The following ARHGAP15 variants were observed in gnomAD, a reference collection of about 807,000 sequenced individuals.
The protein encoded by ARHGAP15 is Rho GTPase activating protein 15, also known as rho GTPase-activating protein 15.
ARHGAP15 carries 51 observed loss-of-function variants against 63.7 expected under a neutral mutation model. That is an observed-to-expected ratio of 0.80 (90% CI 0.64 to 1.01). The LOEUF (loss-of-function observed/expected upper bound fraction) is 1.01. Ranked by LOEUF, ARHGAP15 falls within the 50% of genes least tolerant of loss-of-function variation. ARHGAP15 has a pLI of 0.00. For missense variants in ARHGAP15, 560 were observed against 564.6 expected, an observed-to-expected ratio of 0.99 and a Z score of 0.08; for synonymous variants, 191 against 193.8, an observed-to-expected ratio of 0.99 and a Z score of 0.12.
At chr2:143,650,942 A>G (rs1163634356) in intron 12 of ARHGAP15, among the ~76,000 whole-genome samples, 1 of 151,836 alleles carries the variant, frequency 6.6e-6, no homozygotes, top group Non-Finnish European at 1.5e-5. Context: ...TGCTGTGCTA[A>G]AGTTACATTC....
At chr2:143,415,211 G>C (rs1457654038) in intron 6 of ARHGAP15, among the ~76,000 whole-genome samples, 1 of 151,658 alleles carries the variant, frequency 6.6e-6, no homozygotes, top group Non-Finnish European at 1.5e-5. Flanking sequence ...TCATTGTTTA[G>C]GAAAAAAAAT....
At chr2:143,292,179 A>G (rs1284925393) in intron 6 of ARHGAP15, among the ~76,000 whole-genome samples, 1 of 152,098 alleles carries the variant, frequency 6.6e-6, no homozygotes, top group Non-Finnish European at 1.5e-5. Context: ...TGACTATTAA[A>G]TTTCATCAGC....
chr2:143,254,873 AAAAAAAG>A, intron 6 of ARHGAP15, among the ~76,000 whole-genome samples: 2 of 152,168 alleles, frequency 1.3e-5, no homozygotes, highest in African/African-American at 4.8e-5. Flanking sequence ...CTATTAAAAA[AAAAAAAG>A]TTATTTGTAT....
chr2:143,193,489 A>C (rs1691756081), intron 2 of ARHGAP15: 1 of 152,680 alleles, frequency 6.5e-6, no homozygotes, highest in Admixed American at 6.5e-5. Context: ...CTTTTTCGGC[A>C]GCAGAAGGTG....
chr2:143,175,212 G>A (rs191823839), intron 2 of ARHGAP15, among the ~76,000 whole-genome samples: 123 of 152,228 alleles, frequency 8.1e-4, no homozygotes, highest in Non-Finnish European at 1.4e-3. Flanking sequence ...AGAGTCTTGG[G>A]AAGACTCTAG....
intron 2 of ARHGAP15, among the ~76,000 whole-genome samples, chr2:143,159,892 T>C (rs1224491052): frequency 6.6e-6 from 1 of 151,960 alleles, no homozygotes; most frequent in African/African-American, 2.4e-5. Context: ...AGTTTCCTTC[T>C]GCATAAAGAT....
chr2:143,197,091 T>C (rs190286474), intron 2 of ARHGAP15, among the ~76,000 whole-genome samples: 323 of 152,116 alleles, frequency 2.1e-3, no homozygotes, highest in African/African-American at 7.4e-3. Context: ...AGGGTTTTTA[T>C]ATCAGATACA....
intron 13 of ARHGAP15, among the ~76,000 whole-genome samples, chr2:143,708,605 T>A (rs1422151040): frequency 6.6e-6 from 1 of 152,012 alleles, no homozygotes; most frequent in Non-Finnish European, 1.5e-5. Flanking sequence ...GCTGGCATAT[T>A]GTCCCCTGGT....
At chr2:143,159,187 A>C (rs992149968) in intron 2 of ARHGAP15, among the ~76,000 whole-genome samples, 22 of 151,922 alleles carry the variant, frequency 1.4e-4, no homozygotes, top group African/African-American at 5.3e-4. Context: ...CCATTTTTAA[A>C]CATTAACATA....
At chr2:143,731,817 A>T (rs975817156) in intron 13 of ARHGAP15, among the ~76,000 whole-genome samples, 1 of 152,208 alleles carries the variant, frequency 6.6e-6, no homozygotes, top group African/African-American at 2.4e-5. Flanking sequence ...TTGCTGAAAA[A>T]TTTTAAATAC....
chr2:143,290,239 A>T (rs1682323063), intron 6 of ARHGAP15, among the ~76,000 whole-genome samples: 1 of 152,118 alleles, frequency 6.6e-6, no homozygotes, highest in African/African-American at 2.4e-5. Context: ...GTTCAGTAAA[A>T]TAGAAGATCT....
At chr2:143,517,627 T>G (rs527419370) in intron 9 of ARHGAP15, among the ~76,000 whole-genome samples, 4 of 152,184 alleles carry the variant, frequency 2.6e-5, no homozygotes, top group Non-Finnish European at 5.9e-5. Context: ...TTTTGCCTTC[T>G]AAGCAAGGGA....
In ARHGAP15 at chr2:143,703,414, TCCAG is replaced by T; in HGVS notation, c.1139-4_1139-1del. ...CCTAACCTTCCTTTTTATTTTTTTT[TCCAG>T]AAAAGCAAGACAACAACACAAGAAT... On this transcript the variant is annotated splice_acceptor_variant and splice_polypyrimidine_tract_variant and intron_variant, in intron 12 of 13. Transcript: ENST00000295095. LOFTEE classifies it high-confidence loss of function. The T allele has an allele frequency of 6.3e-7, 1 of 1,598,798 alleles. No homozygotes were observed. The highest frequency in any genetic ancestry group is 8.5e-7 in the Non-Finnish European group (1 of 1,175,540).
At chr2:143,463,920 T>C (rs1354992549) in intron 8 of ARHGAP15, among the ~76,000 whole-genome samples, 4 of 152,164 alleles carry the variant, frequency 2.6e-5, no homozygotes, top group African/African-American at 4.8e-5. Context: ...AGCTGTCAAG[T>C]GGCTGGAACT....
intron 8 of ARHGAP15, among the ~76,000 whole-genome samples, chr2:143,471,178 G>GTGTGTGTATATATACACACATATA (rs533232138): frequency 5.5e-5 from 8 of 144,676 alleles, no homozygotes; most frequent in Admixed American, 2.0e-4. Context: ...ATATGAATAT[G>GTGTGTGTATATATACACACATATA]TGTGTGTATA....
intron 11 of ARHGAP15, among the ~76,000 whole-genome samples, chr2:143,604,163 G>A (rs1040602528): frequency 2.0e-5 from 3 of 152,196 alleles, no homozygotes; most frequent in Non-Finnish European, 4.4e-5. Flanking sequence ...AATGCAGAAT[G>A]TTATTTCAGA....
At chr2:143,633,994 A>G (rs1277039925) in intron 12 of ARHGAP15, among the ~76,000 whole-genome samples, 5 of 152,062 alleles carry the variant, frequency 3.3e-5, no homozygotes, top group Non-Finnish European at 7.4e-5. Flanking sequence ...TACCCAACCC[A>G]GCATGATTCT....
At chr2:143,524,757 C>G (rs931435800) in intron 10 of ARHGAP15, among the ~76,000 whole-genome samples, 2 of 152,150 alleles carry the variant, frequency 1.3e-5, no homozygotes, top group African/African-American at 4.8e-5. Context: ...ACCTACTCAA[C>G]TCAGTAATAT....
chr2:143,327,920 A>AAT (rs1684331613), intron 6 of ARHGAP15, among the ~76,000 whole-genome samples: 1 of 115,972 alleles, frequency 8.6e-6, no homozygotes, highest in Non-Finnish European at 1.8e-5. Context: ...AAAAAAAAAA[A>AAT]TCCAAAAAGT....
Sources: gnomAD v4.1 joint callset for allele counts (sites outside exome capture counted in the v4.1 genomes callset) on GRCh38, gnomAD v4.1.1 for gene constraint, MANE v1.5 for transcripts, NCBI Gene and HGNC (gene_info 2026-07-23, HGNC 2026-07-21) for gene names.